Variants in MAP4K4 observed in about 807,000 individuals in gnomAD.
MAP4K4 encodes the protein mitogen-activated protein kinase kinase kinase kinase 4.
Under a neutral mutation model 189.6 loss-of-function variants are expected in MAP4K4, and 38 were observed. The ratio of observed to expected loss-of-function variants is 0.20; its 90% confidence interval spans 0.15 to 0.26. MAP4K4 has a LOEUF of 0.26. Among genes scored for constraint, MAP4K4 ranks in the 10% least tolerant of loss-of-function variants. MAP4K4 has a pLI of 1.00. For missense variants in MAP4K4, 1,054 were observed against 1,726.9 expected, an observed-to-expected ratio of 0.61 and a Z score of 6.91; for synonymous variants, 610 against 624.3, an observed-to-expected ratio of 0.98 and a Z score of 0.34.
At chr2:101,825,718 A>T (rs1576321510) in intron 5 of MAP4K4, among the ~76,000 whole-genome samples, 1 of 152,208 alleles carries the variant, frequency 6.6e-6, no homozygotes, top group African/African-American at 2.4e-5. Flanking sequence ...TTAAAAGGAA[A>T]TCAGAGTGGA....
intron 2 of MAP4K4, among the ~76,000 whole-genome samples, chr2:101,729,978 C>T (rs2057676190): frequency 6.6e-6 from 1 of 152,156 alleles, no homozygotes; most frequent in South Asian, 2.1e-4. Flanking sequence ...CTTTGTGTCT[C>T]CTCCCGCAGC....
chr2:101,807,061 T>C (rs1325201353), intron 3 of MAP4K4, among the ~76,000 whole-genome samples: 2 of 148,180 alleles, frequency 1.3e-5, no homozygotes, highest in Non-Finnish European at 3.0e-5. Flanking sequence ...TTTTTCTTTT[T>C]TCTGAGACCA....
intron 3 of MAP4K4, among the ~76,000 whole-genome samples, chr2:101,796,637 T>C (rs1045987733): frequency 6.6e-6 from 1 of 152,204 alleles, no homozygotes; most frequent in African/African-American, 2.4e-5. Context: ...ACCACACTTC[T>C]CCTTTTTAAA....
chr2:101,845,384 C>T (rs955893742), intron 12 of MAP4K4, among the ~76,000 whole-genome samples: 10 of 151,812 alleles, frequency 6.6e-5, no homozygotes, highest in African/African-American at 2.4e-4. Context: ...ATATTATTTC[C>T]CTATACAGTC....
chr2:101,882,624 T>G (rs1181989914), exon 28 of MAP4K4: 3 of 1,612,654 alleles, frequency 1.9e-6, no homozygotes, highest in Non-Finnish European at 2.5e-6. Flanking sequence ...ATCCAGAAGT[T>G]GAGAAGAAGC....
At chr2:101,826,653 T>C (rs1454823321) in intron 5 of MAP4K4, among the ~76,000 whole-genome samples, 1 of 152,198 alleles carries the variant, frequency 6.6e-6, no homozygotes, top group East Asian at 1.9e-4. Context: ...GGTTGAGTGG[T>C]TGGAGACTAG....
At chr2:101,791,534 A>G (rs1219433561) in intron 3 of MAP4K4, among the ~76,000 whole-genome samples, 1 of 152,188 alleles carries the variant, frequency 6.6e-6, no homozygotes, top group Non-Finnish European at 1.5e-5. Context: ...TAACTTGCCT[A>G]GTTATGAATA....
At chr2:101,828,000 A>G (rs185137859) in intron 5 of MAP4K4, among the ~76,000 whole-genome samples, 1 of 152,194 alleles carries the variant, frequency 6.6e-6, no homozygotes, top group East Asian at 1.9e-4. Flanking sequence ...ACACACATAC[A>G]CTCCCAGGTA....
At chr2:101,707,107 G>A (rs1025628184) in intron 2 of MAP4K4, among the ~76,000 whole-genome samples, 1 of 152,104 alleles carries the variant, frequency 6.6e-6, no homozygotes, top group Non-Finnish European at 1.5e-5. Context: ...ACCTTGTCAG[G>A]GTTTTGTAGG....
chr2:101,849,491 T>G (rs1366220589), intron 12 of MAP4K4, among the ~76,000 whole-genome samples: 1 of 152,096 alleles, frequency 6.6e-6, no homozygotes, highest in Admixed American at 6.6e-5. Context: ...CATACAAGAC[T>G]TTGGGTCTAG....
exon 33 of MAP4K4, chr2:101,894,015 G>A (rs1224733636): frequency 6.6e-6 from 1 of 152,344 alleles, no homozygotes; most frequent in African/African-American, 2.4e-5. Flanking sequence ...CAACCAGATT[G>A]AGTTGCTATA....
chr2:101,814,733 C>G (rs1286823362), intron 3 of MAP4K4, among the ~76,000 whole-genome samples: 1 of 152,176 alleles, frequency 6.6e-6, no homozygotes, highest in Non-Finnish European at 1.5e-5. Flanking sequence ...CACTGCTTTT[C>G]TCCAGGTGAT....
intron 2 of MAP4K4, among the ~76,000 whole-genome samples, chr2:101,734,095 A>G (rs927166575): frequency 6.6e-6 from 1 of 152,204 alleles, no homozygotes; most frequent in African/African-American, 2.4e-5. Flanking sequence ...TATTACTGAC[A>G]CTATTGATAG....
chr2:101,710,246 G>A (rs1249031009), intron 2 of MAP4K4, among the ~76,000 whole-genome samples: 1 of 152,160 alleles, frequency 6.6e-6, no homozygotes, highest in Non-Finnish European at 1.5e-5. Flanking sequence ...ACCTGCTAGG[G>A]CATGACTCAG....
At chr2:101,729,255 T>TCTTTC in intron 2 of MAP4K4, among the ~76,000 whole-genome samples, 1 of 10,194 alleles carries the variant, frequency 9.8e-5, no homozygotes, top group East Asian at 3.4e-3. Flanking sequence ...GCTTACAGTC[T>TCTTTC]CTTTTATTTT....
intron 2 of MAP4K4, among the ~76,000 whole-genome samples, chr2:101,785,293 G>A (rs2090063689): frequency 6.6e-6 from 1 of 152,216 alleles, no homozygotes; most frequent in African/African-American, 2.4e-5. Flanking sequence ...TGGAAAAAGT[G>A]CTGTTGAGTC....
In MAP4K4 at chr2:101,829,495, C is replaced by A; in HGVS notation, c.418-9C>A. On this transcript the variant is annotated splice_polypyrimidine_tract_variant and intron_variant, in intron 5 of 32. Coordinates refer to ENST00000324219, the Ensembl canonical transcript of MAP4K4. Reference sequence around the variant, plus strand: ...AAAACTAAAATTCAGGTCTGTCTTTCCTATTCAGGGACTGGCACATCTTCA... The same window carrying A: ...AAAACTAAAATTCAGGTCTGTCTTTACTATTCAGGGACTGGCACATCTTCA... 1 of 1,596,180 alleles carries A rather than the reference C, an allele frequency of 6.3e-7. No homozygotes were observed. Among genetic ancestry groups the A allele is most frequent in the Non-Finnish European group, 8.6e-7 (1 of 1,167,896 alleles).
At chr2:101,864,280 G>T (rs1289071864) in intron 17 of MAP4K4, among the ~76,000 whole-genome samples, 1 of 152,132 alleles carries the variant, frequency 6.6e-6, no homozygotes, top group Non-Finnish European at 1.5e-5. Context: ...GTAGCAAAAT[G>T]ATGTAAGAGT....
At chr2:101,747,447 G>T (rs1027026675) in intron 2 of MAP4K4, among the ~76,000 whole-genome samples, 1 of 152,206 alleles carries the variant, frequency 6.6e-6, no homozygotes, top group Non-Finnish European at 1.5e-5. Context: ...CAAGAATGGT[G>T]TATATTTCTT....
Sources: allele counts gnomAD v4.1 joint callset (sites outside exome capture counted in the v4.1 genomes callset), GRCh38; gene constraint gnomAD v4.1.1; transcripts MANE v1.5; gene names NCBI Gene and HGNC (gene_info 2026-07-23, HGNC 2026-07-21).